The following SMAD4 variants were observed in gnomAD, a reference collection of about 807,000 sequenced individuals.
SMAD4 encodes the protein MAD homolog 4.
Under a neutral mutation model 63.2 loss-of-function variants are expected in SMAD4, and 7 were observed. The observed-to-expected ratio is 0.11, with a 90% CI of 0.06 to 0.21. SMAD4 has a LOEUF of 0.21. Ranked by LOEUF, SMAD4 falls within the 10% of genes least tolerant of loss-of-function variation. The pLI is 1.00. For synonymous variants in SMAD4, 215 were observed against 235.4 expected (o/e 0.91, Z 0.79); for missense variants, 312 against 693.8 (o/e 0.45, Z 6.18).
chr18:51,054,917 C>T lies in SMAD4; in HGVS notation c.591C>T (p.Thr197=), dbSNP rs1464524083. 1.2e-6 allele frequency: 2 copies of T among 1,614,094 alleles called. No homozygotes were observed. Among genetic ancestry groups the T allele is most frequent in the Middle Eastern group, 1.6e-4 (1 of 6,062 alleles). The change falls in exon 5 of 12, where the codon ACC becomes ACT. Residue 197 remains threonine, a synonymous_variant. Transcript: ENST00000342988. Reference sequence around the variant, plus strand: ...GTGCATCGACAGAGACATACAGCACCCCAGCTCTGTTAGCCCCATCTGAGT... The same window carrying T: ...GTGCATCGACAGAGACATACAGCACTCCAGCTCTGTTAGCCCCATCTGAGT... The part of the protein sequence containing the change: ...SNRASTETYS[T]PALLAPSESN...
chr18:51,051,488 C>T (rs1373605525), intron 4 of SMAD4: 1 of 432,884 alleles, frequency 2.3e-6, no homozygotes, highest in African/African-American at 2.1e-5. Context: ...CATTTCCAGC[C>T]TATCTTTTAC....
intron 8 of SMAD4, among the ~76,000 whole-genome samples, chr18:51,062,082 T>C (rs1270092777): frequency 6.6e-6 from 1 of 152,206 alleles, no homozygotes. Flanking sequence ...TTTGCTGATT[T>C]AAGAGGCAAA....
At chr18:51,077,617 G>A (rs1346148117) in intron 11 of SMAD4, among the ~76,000 whole-genome samples, 1 of 152,162 alleles carries the variant, frequency 6.6e-6, no homozygotes, top group Non-Finnish European at 1.5e-5. Context: ...AGGTAGATTA[G>A]GCATATTCAT....
intron 1 of SMAD4, among the ~76,000 whole-genome samples, chr18:51,036,813 C>G (rs1380898688): frequency 6.6e-6 from 1 of 152,094 alleles, no homozygotes; most frequent in African/African-American, 2.4e-5. Context: ...TGATACATCC[C>G]CCTTTGAAGG....
chr18:51,081,755 C>T lies in SMAD4; in HGVS notation c.*3288C>T, dbSNP rs191317135. 6 of 232,590 alleles carry T rather than the reference C, an allele frequency of 2.6e-5. No homozygotes were observed. Among genetic ancestry groups the T allele is most frequent in the East Asian group, 2.4e-4 (4 of 16,482 alleles). 14.4% of individuals were successfully genotyped at this position (232,590 alleles called of 1,614,324 possible). A position where few individuals can be genotyped will look rare whatever the true frequency, so the allele number is the denominator to read the frequency against. ...GTCCTGTCTCCCAGATGATATACAT[C>T]TTATTATTTTTAAAGTTTATTGCTA... On this transcript the variant is annotated 3_prime_UTR_variant, in exon 12 of 12. Coordinates refer to ENST00000342988, the MANE Select transcript of SMAD4 (RefSeq NM_005359.6).
intron 1 of SMAD4, among the ~76,000 whole-genome samples, chr18:51,041,075 C>T (rs1408867622): frequency 6.6e-6 from 1 of 152,156 alleles, no homozygotes; most frequent in African/African-American, 2.4e-5. Flanking sequence ...CTCCTTGGCC[C>T]ATTGCCCATG....
intron 5 of SMAD4, among the ~76,000 whole-genome samples, chr18:51,055,599 G>A (rs1909823907): frequency 6.6e-6 from 1 of 151,836 alleles, no homozygotes; most frequent in Non-Finnish European, 1.5e-5. Flanking sequence ...GGGCTGCTAG[G>A]TTCAGGTTTT....
At position 51,062,851 on chromosome 18, in the gene SMAD4, G is replaced by GTTGTT. The variant is rs1910052115; in HGVS notation, c.956-2570_956-2569insGTTTT. On this transcript the variant is annotated intron_variant, in intron 8 of 11. Transcript: ENST00000342988. ...ACAGTCTAGTAATCTGGCTTTACTTGTTTTTTTTTTTTTTTTTTTTTTTTG... is the reference window on the plus strand; with the variant it reads ...ACAGTCTAGTAATCTGGCTTTACTTGTTGTTTTTTTTTTTTTTTTTTTTTTTTTTG... 4.6e-5 allele frequency among the ~76,000 whole-genome samples: 3 copies of GTTGTT among 65,394 alleles called. No homozygotes were observed. In the East Asian group the frequency reaches 1.7e-3, roughly 36 times the overall value. The allele number at this position is 65,394 out of a possible 152,430, so 42.9% of individuals were successfully genotyped here.
chr18:51,043,212 G>A lies in SMAD4; in HGVS notation c.-127-3708G>A, dbSNP rs1909441076. On this transcript the variant is annotated intron_variant, in intron 1 of 11. Transcript: ENST00000342988. ...TGGAAAAAAAATGGGATGTTGGTCT[G>A]AGAGAGTCCAGACCCACTTTCTTAC... Among the ~76,000 whole-genome samples the A allele has an allele frequency of 2.6e-5, 4 of 152,188 alleles. No individual in the cohort carries two copies. In the South Asian group the frequency reaches 8.3e-4, roughly 32 times the overall value.
At position 51,084,072 on chromosome 18, in the gene SMAD4, G is replaced by A. The variant is rs1282755309; in HGVS notation, c.*5605G>A. On this transcript the variant is annotated 3_prime_UTR_variant, in exon 12 of 12. Coordinates refer to ENST00000342988, the MANE Select transcript of SMAD4 (RefSeq NM_005359.6). ...TCAGAGTTTAAGGCTTTCGAGTCAT[G>A]ACATTCTAGCTTTTGAATTGCGTGC... 2 of 229,838 alleles carry A rather than the reference G, an allele frequency of 8.7e-6. No individual in the cohort carries two copies. The highest frequency in any genetic ancestry group is 1.7e-5 in the Non-Finnish European group (2 of 116,600). 14.2% of individuals were successfully genotyped at this position (229,838 alleles called of 1,614,324 possible). A position where few individuals can be genotyped will look rare whatever the true frequency, so the allele number is the denominator to read the frequency against.
At chr18:51,055,088 A>G (rs1014981118) in intron 5 of SMAD4, 95 bp downstream of exon 5, 1 of 903,500 alleles carries the variant, frequency 1.1e-6, no homozygotes, top group Admixed American at 1.7e-5. Flanking sequence ...CAAGTAAGTA[A>G]ACATTAAAAG....
chr18:51,075,855 A>G (rs937766717), intron 10 of SMAD4, among the ~76,000 whole-genome samples: 1 of 152,232 alleles, frequency 6.6e-6, no homozygotes, highest in Admixed American at 6.5e-5. Context: ...CAAGTTTGCA[A>G]CAACCTCATG....
rs914365497 is a variant in SMAD4, at chr18:51,058,011, T to C, written c.668-114T>C. 3 of 1,244,444 alleles carry C rather than the reference T, an allele frequency of 2.4e-6. No individual in the cohort carries two copies. In the Admixed American group the frequency reaches 5.5e-5, roughly 23 times the overall value. 77.1% of individuals were successfully genotyped at this position (1,244,444 alleles called of 1,614,324 possible). A position where few individuals can be genotyped will look rare whatever the true frequency, so the allele number is the denominator to read the frequency against. Reference sequence around the variant, plus strand: ...ATAGGCCATGGGTGAGTTACACTTTTTGCCCATCTTTATAGTTGTGCATTA... The same window carrying C: ...ATAGGCCATGGGTGAGTTACACTTTCTGCCCATCTTTATAGTTGTGCATTA... On this transcript the variant is annotated intron_variant, in intron 5 of 11. Coordinates refer to ENST00000342988, the MANE Select transcript of SMAD4 (RefSeq NM_005359.6).
rs1910602856 is a variant in SMAD4, at chr18:51,081,109, C to CTA, written c.*2643_*2644insAT. On this transcript the variant is annotated 3_prime_UTR_variant, in exon 12 of 12. Transcript: ENST00000342988. ...TGGTTGTTAATCTATATTTCTATTTCTTAGTGGTAGTCATCTTTGATGAAT... is the reference window on the plus strand; with the variant it reads ...TGGTTGTTAATCTATATTTCTATTTCTATTAGTGGTAGTCATCTTTGATGAAT... The CTA allele has an allele frequency of 4.6e-6, 1 of 217,926 alleles. No individual in the cohort carries two copies. The highest frequency in any genetic ancestry group is 2.2e-5 in the African/African-American group (1 of 44,510). The allele number at this position is 217,926 out of a possible 1,614,324, so 13.5% of individuals were successfully genotyped here.
chr18:51,077,473 C>T (rs1470585593), intron 11 of SMAD4: 11 of 609,322 alleles, frequency 1.8e-5, no homozygotes, highest in Non-Finnish European at 2.1e-5. Context: ...GGTTTCTCTA[C>T]AGTACATGCA....
At chr18:51,073,389 A>ATATATATATATATATATAT (rs1568210358) in intron 10 of SMAD4, among the ~76,000 whole-genome samples, 2 of 40,630 alleles carry the variant, frequency 4.9e-5, no homozygotes, top group Admixed American at 5.6e-4. Context: ...ATATATATAT[A>ATATATATATATATATATAT]CACACACACA....
intron 3 of SMAD4, 99 bp from the exon 4 acceptor site, chr18:51,049,196 G>A: frequency 2.2e-6 from 2 of 928,504 alleles, no homozygotes; most frequent in Non-Finnish European, 3.5e-6. Context: ...ATGAACTTTT[G>A]TAATCTTTGG....
intron 4 of SMAD4, among the ~76,000 whole-genome samples, chr18:51,050,370 T>C (rs1029444999): frequency 1.7e-5 from 2 of 119,556 alleles, no homozygotes; most frequent in South Asian, 2.6e-4. Flanking sequence ...AAAAAAAAAG[T>C]GGGGGGAGGC....
chr18:51,070,961 A>T (rs1240268214), intron 10 of SMAD4, among the ~76,000 whole-genome samples: 4 of 152,154 alleles, frequency 2.6e-5, no homozygotes, highest in Non-Finnish European at 5.9e-5. Context: ...TGTAAGTTAA[A>T]CTTCATTATG....
Sources: gnomAD v4.1 joint callset for allele counts (sites outside exome capture counted in the v4.1 genomes callset) on GRCh38, gnomAD v4.1.1 for gene constraint, MANE v1.5 for transcripts, NCBI Gene and HGNC (gene_info 2026-07-23, HGNC 2026-07-21) for gene names.